CLDN10: variants seen among roughly 807,000 people sequenced by gnomAD.
CLDN10 encodes claudin 10, also known as claudin-10.
CLDN10 carries 15 observed loss-of-function variants against 22.9 expected under a neutral mutation model. That is an observed-to-expected ratio of 0.65 (90% CI 0.44 to 1.01). CLDN10 has a LOEUF of 1.01. Among genes scored for constraint, CLDN10 ranks in the 50% least tolerant of loss-of-function variants. The pLI is 0.00. For missense variants in CLDN10, 247 were observed against 287.8 expected (o/e 0.86, Z 1.03); for synonymous variants, 114 against 111.4 (o/e 1.02, Z -0.15).
intron 3 of CLDN10, among the ~76,000 whole-genome samples, chr13:95,567,624 G>T (rs1364011320): frequency 1.3e-5 from 2 of 152,114 alleles, no homozygotes; most frequent in Non-Finnish European, 2.9e-5. Context: ...TCTTTCTCTT[G>T]CCTGATTGCC....
chr13:95,495,054 T>A (rs528015217), intron 1 of CLDN10, among the ~76,000 whole-genome samples: 38 of 151,926 alleles, frequency 2.5e-4, no homozygotes, highest in African/African-American at 8.5e-4. Flanking sequence ...TTTTTTTTTT[T>A]AGATGGAGTC....
chr13:95,494,430 A>G (rs776354108), intron 1 of CLDN10, among the ~76,000 whole-genome samples: 3 of 152,230 alleles, frequency 2.0e-5, no homozygotes, highest in Non-Finnish European at 4.4e-5. Flanking sequence ...TAAAACCTGA[A>G]TACATCCCAA....
chr13:95,570,078 C>T (rs191402235), intron 3 of CLDN10, among the ~76,000 whole-genome samples: 82 of 152,318 alleles, frequency 5.4e-4, no homozygotes, highest in African/African-American at 1.8e-3. Context: ...CACAAAGCCA[C>T]GTACACCCAC....
intron 1 of CLDN10, among the ~76,000 whole-genome samples, chr13:95,513,577 CA>C (rs67516027): frequency 0.96 from 146,331 of 152,098 alleles, 70,645 homozygotes; most frequent in East Asian, 1. Flanking sequence ...TAAAATAGAG[CA>C]TTTTCCCCTG....
intron 1 of CLDN10, among the ~76,000 whole-genome samples, chr13:95,555,266 G>A (rs994359684): frequency 1.7e-4 from 26 of 152,192 alleles, no homozygotes; most frequent in African/African-American, 5.1e-4. Flanking sequence ...TAGGCTGATC[G>A]CGAACTCCTG....
chr13:95,509,092 G>T (rs1375937368), intron 1 of CLDN10, among the ~76,000 whole-genome samples: 2 of 152,124 alleles, frequency 1.3e-5, no homozygotes, highest in East Asian at 3.8e-4. Flanking sequence ...CAAGGAAAAA[G>T]GGATGAGAAC....
chr13:95,478,682 T>C (rs991437680), intron 1 of CLDN10, among the ~76,000 whole-genome samples: 1 of 152,196 alleles, frequency 6.6e-6, no homozygotes, highest in Non-Finnish European at 1.5e-5. Flanking sequence ...CCCGGATGCT[T>C]GTATTCTGCT....
chr13:95,531,905 C>A (rs2043347180), intron 1 of CLDN10, among the ~76,000 whole-genome samples: 1 of 152,002 alleles, frequency 6.6e-6, no homozygotes, highest in Non-Finnish European at 1.5e-5. Flanking sequence ...TCCACAAAGG[C>A]ACCAAAACAG....
chr13:95,477,594 A>G (rs1333503905), intron 1 of CLDN10, among the ~76,000 whole-genome samples: 2 of 152,052 alleles, frequency 1.3e-5, no homozygotes, highest in African/African-American at 4.8e-5. Flanking sequence ...AAGGAGAAAC[A>G]TGGTTAATAC....
chr13:95,462,291 T>C (rs899261716), intron 1 of CLDN10, among the ~76,000 whole-genome samples: 2 of 152,216 alleles, frequency 1.3e-5, no homozygotes, highest in African/African-American at 4.8e-5. Context: ...TTTTTAAACA[T>C]TGCCTTTCAA....
chr13:95,544,376 G>T (rs1247980899), intron 1 of CLDN10, among the ~76,000 whole-genome samples: 1 of 152,126 alleles, frequency 6.6e-6, no homozygotes, highest in Non-Finnish European at 1.5e-5. Context: ...TACATATATG[G>T]ATGAATTGTA....
chr13:95,507,255 G>A (rs1019113115), intron 1 of CLDN10, among the ~76,000 whole-genome samples: 5 of 152,150 alleles, frequency 3.3e-5, no homozygotes, highest in South Asian at 2.1e-4. Flanking sequence ...GTTAAGGCTC[G>A]GGTAAATTCT....
At chr13:95,453,814 ACTTGAGATTCTAGTGC>A (rs1187896043) in intron 1 of CLDN10, among the ~76,000 whole-genome samples, 1 of 151,750 alleles carries the variant, frequency 6.6e-6, no homozygotes, top group Non-Finnish European at 1.5e-5. Flanking sequence ...AGCTCTTCCC[ACTTGAGATTCTAGTGC>A]CTCGCTGGGC....
At chr13:95,474,264 T>C (rs1191066063) in intron 1 of CLDN10, among the ~76,000 whole-genome samples, 1 of 152,130 alleles carries the variant, frequency 6.6e-6, no homozygotes, top group African/African-American at 2.4e-5. Flanking sequence ...ATCCCTCGTA[T>C]GTGCAGTTTG....
intron 1 of CLDN10, among the ~76,000 whole-genome samples, chr13:95,477,302 A>G (rs2042694032): frequency 6.6e-6 from 1 of 152,162 alleles, no homozygotes; most frequent in South Asian, 2.1e-4. Context: ...GCTAGTTTAA[A>G]TCATTTCAGC....
At chr13:95,537,895 T>TTCAGTACAGTATTTTATTCAG (rs1381056254) in intron 1 of CLDN10, among the ~76,000 whole-genome samples, 1 of 152,216 alleles carries the variant, frequency 6.6e-6, no homozygotes, top group Non-Finnish European at 1.5e-5. Context: ...TGAAACTTTA[T>TTCAGTACAGTATTTTATTCAG]CTGCCAATTG....
chr13:95,479,150 A>G (rs2042715988), intron 1 of CLDN10, among the ~76,000 whole-genome samples: 1 of 152,218 alleles, frequency 6.6e-6, no homozygotes, highest in South Asian at 2.1e-4. Context: ...GGAGTTCAAG[A>G]ACAGCCTGGT....
intron 1 of CLDN10, among the ~76,000 whole-genome samples, chr13:95,523,976 T>C (rs538294068): frequency 6.6e-5 from 10 of 152,296 alleles, no homozygotes; most frequent in African/African-American, 2.4e-4. Flanking sequence ...CTACTGAATA[T>C]AGAATTCTAA....
intron 1 of CLDN10, among the ~76,000 whole-genome samples, chr13:95,457,860 G>A (rs2042497552): frequency 6.6e-6 from 1 of 152,148 alleles, no homozygotes; most frequent in Admixed American, 6.5e-5. Context: ...TTGAAAATAA[G>A]TCAACCTGTG....
Sources: gnomAD v4.1 joint callset for allele counts (sites outside exome capture counted in the v4.1 genomes callset) on GRCh38, gnomAD v4.1.1 for gene constraint, MANE v1.5 for transcripts, NCBI Gene and HGNC (gene_info 2026-07-23, HGNC 2026-07-21) for gene names.